The following FLNB variants were observed in gnomAD, a reference collection of about 807,000 sequenced individuals.
The protein encoded by FLNB is filamin-B.
In FLNB, 111 loss-of-function variants were observed where a neutral mutation model predicts 250.6. The ratio of observed to expected loss-of-function variants is 0.44; its 90% CI spans 0.38 to 0.52. The LOEUF (loss-of-function observed/expected upper bound fraction) is 0.52. Among genes scored for constraint, FLNB ranks in the 20% least tolerant of loss-of-function variants. The pLI, the probability that FLNB is intolerant of heterozygous loss-of-function variation, is 0.00. For missense variants in FLNB, 2,869 were observed against 3,447.8 expected, an observed-to-expected ratio of 0.83 and a Z score of 4.20; for synonymous variants, 1,302 against 1,372.1, an observed-to-expected ratio of 0.95 and a Z score of 1.13.
chr3:58,112,046 G>A (rs1462211966), intron 17 of FLNB, 103 bp from the exon 18 acceptor site: 2 of 1,264,190 alleles, frequency 1.6e-6, no homozygotes, highest in East Asian at 2.3e-5. Flanking sequence ...GCCCGTTGCT[G>A]GCTGTCATAA....
In FLNB at chr3:58,104,017, G is replaced by T. The variant is rs763168530; in HGVS notation, c.1542G>T (p.Glu514Asp). 6.2e-7 allele frequency: 1 copy of T among 1,613,910 alleles called. No individual in the cohort carries two copies. The highest frequency in any genetic ancestry group is 1.7e-5 in the Admixed American group (1 of 60,014). The change falls in exon 10 of 46, where the codon GAG becomes GAT. Residue 514 changes from glutamate (E) to aspartate (D), a missense_variant. This residue lies in a region of FLNB where 1,348 missense variants were observed against 1,466.7 expected (regional missense o/e 0.92). Coordinates refer to ENST00000295956, the MANE Select transcript of FLNB (RefSeq NM_001457.4). The stretch of plus-strand genomic sequence containing the variant: ...TTCTGGATGGGGTCTACGCATTCGA[G>T]TATTACCCCAGCACCCCGGGGAGAT... ...KDFLDGVYAFEYYPSTPGRYS... is the reference protein window; with the variant it reads ...KDFLDGVYAFDYYPSTPGRYS...
chr3:58,078,073 A>C (rs550767063), intron 2 of FLNB, among the ~76,000 whole-genome samples: 43 of 152,364 alleles, frequency 2.8e-4, no homozygotes, highest in Non-Finnish European at 5.6e-4. Context: ...CTCAAAGCAG[A>C]ACTAGTGTCA....
chr3:58,045,328 G>A (rs2097152148), intron 1 of FLNB, among the ~76,000 whole-genome samples: 1 of 152,204 alleles, frequency 6.6e-6, no homozygotes, highest in Non-Finnish European at 1.5e-5. Context: ...GCAATGCTGA[G>A]TATGAGTTTG....
At chr3:58,119,059 T>C (rs1559706481) in intron 19 of FLNB, 70 bp downstream of exon 19, 3 of 1,155,866 alleles carry the variant, frequency 2.6e-6, no homozygotes, top group Non-Finnish European at 3.9e-6. Flanking sequence ...TAGATTTTCT[T>C]CAAAAGGTGA....
At position 58,081,558 on chromosome 3, in the gene FLNB, G is replaced by A. The variant is rs1559679592; in HGVS notation, c.640-71G>A. 7 of 1,409,096 alleles carry A rather than the reference G, an allele frequency of 5.0e-6. No individual in the cohort carries two copies. In the East Asian group the frequency reaches 1.1e-4, roughly 23 times the overall value. 87.3% of individuals were successfully genotyped at this position (1,409,096 alleles called of 1,614,324 possible). The stretch of plus-strand genomic sequence containing the variant: ...ATATTTGTAGTGCTTGGTTTAAGAG[G>A]CATTTGCAAACACTTCAATAGTTGC... On this transcript the variant is annotated intron_variant, in intron 3 of 45. Transcript: ENST00000295956.
chr3:58,156,908 G>T (rs1396242947), intron 41 of FLNB, among the ~76,000 whole-genome samples: 1 of 152,116 alleles, frequency 6.6e-6, no homozygotes, highest in Non-Finnish European at 1.5e-5. Flanking sequence ...TGTTGGCCAG[G>T]CTGGTCTCAA....
At chr3:58,086,622 A>AT (rs2097217817) in intron 4 of FLNB, among the ~76,000 whole-genome samples, 1 of 152,132 alleles carries the variant, frequency 6.6e-6, no homozygotes, top group Non-Finnish European at 1.5e-5. Flanking sequence ...GTCTACGGCC[A>AT]TTTTTTCTTA....
chr3:58,092,571 G>C (rs1256044698), intron 4 of FLNB, among the ~76,000 whole-genome samples: 27 of 152,146 alleles, frequency 1.8e-4, no homozygotes, highest in Admixed American at 1.8e-3. Flanking sequence ...GCCTGAGCCT[G>C]GGAGGTCGAG....
chr3:58,112,063 TG>T, intron 17 of FLNB, 85 bp from the exon 18 acceptor site: 1 of 1,347,862 alleles, frequency 7.4e-7, no homozygotes, highest in Non-Finnish European at 1.1e-6. Flanking sequence ...ATAATAGACC[TG>T]GTGCTGTTGA....
In FLNB at chr3:58,126,622, T is replaced by C. The variant is rs751461717; in HGVS notation, c.4082T>C (p.Leu1361Pro). ...VVTRGAGIGG[L>P]GITVEGPSES... ...TCCAGAGGCGCAGGAATTGGTGGGC[T>C]TGGCATAACTGTTGAGGGACCATCA... Residue 1361 changes from leucine (L) to proline (P), a missense_variant, in exon 24 of 46, where the codon CTT becomes CCT. Physicochemically the swap from Leu to Pro is moderately conservative, Grantham distance 98. Around this residue, in one of 5 missense-constraint regions of FLNB, gnomAD observed 1,348 missense variants for 1,466.7 expected, o/e 0.92. Coordinates refer to ENST00000295956, the MANE Select transcript of FLNB (RefSeq NM_001457.4). The C allele has an allele frequency of 6.2e-7, 1 of 1,614,120 alleles. No homozygotes were observed. The highest frequency in any genetic ancestry group is 1.1e-5 in the South Asian group (1 of 91,082).
At chr3:58,141,431 C>T (rs2097326818) in intron 29 of FLNB, among the ~76,000 whole-genome samples, 1 of 152,216 alleles carries the variant, frequency 6.6e-6, no homozygotes, top group South Asian at 2.1e-4. Flanking sequence ...TTCCTTCCCT[C>T]AATGTGTCAT....
chr3:58,130,962 G>T (rs749329293), intron 25 of FLNB, 54 bp downstream of exon 25: 8 of 1,553,254 alleles, frequency 5.2e-6, no homozygotes, highest in Admixed American at 1.8e-5. Context: ...GGCAGGGGCA[G>T]CTGTAACCCA....
intron 1 of FLNB, among the ~76,000 whole-genome samples, chr3:58,052,894 T>A (rs753767122): frequency 6.6e-6 from 1 of 152,250 alleles, no homozygotes; most frequent in Non-Finnish European, 1.5e-5. Flanking sequence ...TCTACACTTC[T>A]GCCTGTGCCA....
intron 27 of FLNB, 68 bp from the exon 28 acceptor site, chr3:58,135,911 C>T: frequency 6.7e-7 from 1 of 1,499,772 alleles, no homozygotes. Context: ...GAAAATATGT[C>T]AGGGTTTTCC....
intron 1 of FLNB, among the ~76,000 whole-genome samples, chr3:58,034,108 A>G (rs2097134704): frequency 6.6e-6 from 1 of 151,888 alleles, no homozygotes; most frequent in Admixed American, 6.6e-5. Flanking sequence ...CGATCCGCTC[A>G]CCTCTGCCTC....
intron 45 of FLNB, among the ~76,000 whole-genome samples, chr3:58,170,085 C>G (rs1231202621): frequency 6.6e-6 from 1 of 152,218 alleles, no homozygotes; most frequent in Non-Finnish European, 1.5e-5. Flanking sequence ...TTCATTCATT[C>G]ATTCGTTTGT....
chr3:58,146,160 T>C, intron 33 of FLNB, 111 bp downstream of exon 33: 1 of 1,187,716 alleles, frequency 8.4e-7, no homozygotes, highest in Non-Finnish European at 1.2e-6. Flanking sequence ...GTAGTATTTG[T>C]CTTGTCTTTT....
intron 1 of FLNB, among the ~76,000 whole-genome samples, chr3:58,020,154 T>C (rs749478049): frequency 4.0e-5 from 6 of 151,172 alleles, no homozygotes; most frequent in Non-Finnish European, 7.4e-5. Flanking sequence ...ACAGCGGACA[T>C]AGGCACAGCT....
chr3:58,127,746 A>T (rs1314834993), intron 24 of FLNB, among the ~76,000 whole-genome samples: 2 of 152,238 alleles, frequency 1.3e-5, no homozygotes, highest in Non-Finnish European at 2.9e-5. Context: ...CAATAAATAA[A>T]TATATGACTT....
Sources: gnomAD v4.1 joint callset for allele counts (sites outside exome capture counted in the v4.1 genomes callset) on GRCh38, gnomAD v4.1.1 for gene constraint, gnomAD v4.1.1 regional missense constraint, MANE v1.5 for transcripts, NCBI Gene and HGNC (gene_info 2026-07-23, HGNC 2026-07-21) for gene names.